The following ZMYM4 variants were observed in gnomAD, a reference collection of about 807,000 sequenced individuals.
The protein encoded by ZMYM4 is zinc finger MYM-type protein 4.
A neutral mutation model predicts 183.2 loss-of-function variants in ZMYM4; 31 were observed. That is an observed-to-expected ratio of 0.17 (90% confidence interval 0.13 to 0.23). The LOEUF is 0.23. Ranked by LOEUF, ZMYM4 falls within the 10% of genes least tolerant of loss-of-function variation. The pLI is 1.00. For missense variants in ZMYM4, 1,273 were observed against 1,840.3 expected (o/e 0.69, Z 5.64); for synonymous variants, 592 against 631.2 (o/e 0.94, Z 0.93).
intron 1 of ZMYM4, among the ~76,000 whole-genome samples, chr1:35,270,947 A>C (rs1392035040): frequency 6.6e-6 from 1 of 152,212 alleles, no homozygotes; most frequent in Middle Eastern, 3.2e-3. Context: ...CACCTAATGC[A>C]ATAATTAGTC....
At chr1:35,370,727 C>CTTTTTTTTTTTTTTTTTTTTTTT (rs3066096) in intron 7 of ZMYM4, 100 bp downstream of exon 7, 1 of 263,508 alleles carries the variant, frequency 3.8e-6, no homozygotes, top group Non-Finnish European at 5.3e-6. Context: ...ACATTTATTC[C>CTTTTTTTTTTTTTTTTTTTTTTT]TTTTTTTTTT....
chr1:35,401,696 T>A (rs1485189317), intron 23 of ZMYM4, among the ~76,000 whole-genome samples: 1 of 152,236 alleles, frequency 6.6e-6, no homozygotes, highest in Non-Finnish European at 1.5e-5. Context: ...TAACTCATAG[T>A]AACTAAGACA....
rs562919522 is a variant in ZMYM4, at chr1:35,364,971, C to G, written c.840+3182C>G. On this transcript the variant is annotated intron_variant, in intron 5 of 29. Transcript: ENST00000314607. ...CCAGTCATTGTCCGTCCTCCTGCCT[C>G]TATTACTGGCATAATGTCATTGGGT... Among the ~76,000 whole-genome samples, 137 of 152,302 alleles carry G rather than the reference C, an allele frequency of 9.0e-4. 1 individual carries two copies. The highest frequency in any genetic ancestry group is 1.0e-3 in the Non-Finnish European group (68 of 68,014).
At chr1:35,289,685 T>G (rs577251923) in intron 1 of ZMYM4, among the ~76,000 whole-genome samples, 1 of 152,212 alleles carries the variant, frequency 6.6e-6, no homozygotes, top group East Asian at 1.9e-4. Flanking sequence ...TGTGGGATAT[T>G]CAGCTGCATA....
At chr1:35,364,533 A>G (rs996601007) in intron 5 of ZMYM4, among the ~76,000 whole-genome samples, 2 of 152,112 alleles carry the variant, frequency 1.3e-5, no homozygotes, top group Non-Finnish European at 2.9e-5. Context: ...TCAAAATTGC[A>G]TAATTTATTA....
At chr1:35,288,089 G>A (rs1029855530) in intron 1 of ZMYM4, among the ~76,000 whole-genome samples, 1 of 152,028 alleles carries the variant, frequency 6.6e-6, no homozygotes, top group Non-Finnish European at 1.5e-5. Context: ...TTCCCTTACT[G>A]TTTAGTTTTA....
chr1:35,384,847 T>C (rs1037930106), intron 9 of ZMYM4, among the ~76,000 whole-genome samples: 18 of 149,118 alleles, frequency 1.2e-4, no homozygotes, highest in Middle Eastern at 3.4e-3. Flanking sequence ...TTTTCTTTTT[T>C]TTTTTTTTTT....
intron 2 of ZMYM4, among the ~76,000 whole-genome samples, chr1:35,341,852 T>A (rs1643211838): frequency 6.6e-6 from 1 of 152,148 alleles, no homozygotes; most frequent in African/African-American, 2.4e-5. Flanking sequence ...AGGCTTAGGC[T>A]TTATTACATT....
intron 1 of ZMYM4, among the ~76,000 whole-genome samples, chr1:35,291,598 A>G (rs144571110): frequency 3.1e-4 from 46 of 147,686 alleles, no homozygotes; most frequent in African/African-American, 9.9e-4. Flanking sequence ...ACATAGCTAC[A>G]GTTATTAGCA....
intron 5 of ZMYM4, among the ~76,000 whole-genome samples, chr1:35,363,892 G>A (rs1644005218): frequency 6.6e-6 from 1 of 152,112 alleles, no homozygotes; most frequent in South Asian, 2.1e-4. Context: ...CCCAATGTGG[G>A]CATGCTGGCA....
intron 2 of ZMYM4, among the ~76,000 whole-genome samples, chr1:35,337,225 G>T (rs77183856): frequency 6.6e-6 from 1 of 152,086 alleles, no homozygotes; most frequent in African/African-American, 2.4e-5. Flanking sequence ...AGCTGGATGT[G>T]ATGTTGCACG....
intron 25 of ZMYM4, among the ~76,000 whole-genome samples, chr1:35,406,344 G>A (rs1452453013): frequency 6.6e-6 from 1 of 152,106 alleles, no homozygotes; most frequent in Non-Finnish European, 1.5e-5. Context: ...TAACTGCCTA[G>A]TAGCATGTTT....
In ZMYM4 at chr1:35,387,110, T is replaced by C. The variant is rs751161644; in HGVS notation, c.1944T>C (p.Gly648=). ...PTGSTVSAGG[G]STSAVSPTSI... ...GTTCCACAGTGTCAGCCGGAGGAGGTAGCACATCTGCTGTTTCTCCCACCT... is the reference window on the plus strand; with the variant it reads ...GTTCCACAGTGTCAGCCGGAGGAGGCAGCACATCTGCTGTTTCTCCCACCT... The change falls in exon 12 of 30, where the codon GGT becomes GGC. Residue 648 remains glycine (G), a synonymous_variant. Coordinates refer to ENST00000314607, the MANE Select transcript of ZMYM4 (RefSeq NM_005095.3). 4 of 1,614,206 alleles carry C rather than the reference T, an allele frequency of 2.5e-6. No homozygotes were observed. The Admixed American group carries it at 6.7e-5, about 27-fold the overall frequency.
chr1:35,336,748 G>A (rs79205385), intron 2 of ZMYM4, among the ~76,000 whole-genome samples: 15,417 of 152,024 alleles, frequency 0.1, 2,203 homozygotes, highest in East Asian at 0.68. Context: ...AGTTGTTTAT[G>A]TAATACATGA....
chr1:35,315,712 C>T lies in ZMYM4; in HGVS notation c.40-9648C>T, dbSNP rs368594487. Among the ~76,000 whole-genome samples the T allele has an allele frequency of 4.8e-4, 73 of 152,166 alleles. 1 individual carries two copies. The highest frequency in any genetic ancestry group is 1.7e-3 in the African/African-American group (70 of 41,528). Reference sequence around the variant, plus strand: ...CTTTGGGAGGCTGAGTTGGGAGGATCGCTTTAGCCTGGGGGTTTGGGACCA... The same window carrying T: ...CTTTGGGAGGCTGAGTTGGGAGGATTGCTTTAGCCTGGGGGTTTGGGACCA... On this transcript the variant is annotated intron_variant, in intron 1 of 29. Transcript: ENST00000314607.
chr1:35,343,314 G>A (rs949408887), intron 2 of ZMYM4, among the ~76,000 whole-genome samples: 3 of 152,050 alleles, frequency 2.0e-5, no homozygotes, highest in Non-Finnish European at 4.4e-5. Context: ...TTTAGGCTTA[G>A]CTTTTATGCT....
chr1:35,386,011 T>C (rs2148977437), intron 10 of ZMYM4, 63 bp from the exon 11 acceptor site: 1 of 1,228,502 alleles, frequency 8.1e-7, no homozygotes, highest in East Asian at 2.4e-5. Flanking sequence ...TATTATTTAA[T>C]TTCTCATACT....
intron 2 of ZMYM4, among the ~76,000 whole-genome samples, chr1:35,330,372 A>G (rs1179600562): frequency 6.6e-6 from 1 of 152,144 alleles, no homozygotes; most frequent in Admixed American, 6.6e-5. Context: ...TCTGGATTTT[A>G]TCCCTAGTGT....
intron 1 of ZMYM4, among the ~76,000 whole-genome samples, chr1:35,311,147 T>C (rs1390440505): frequency 6.6e-6 from 1 of 152,018 alleles, no homozygotes; most frequent in East Asian, 1.9e-4. Context: ...AGGCCAGGCA[T>C]TGTGGCTCAC....
Sources: gnomAD v4.1 joint callset for allele counts (sites outside exome capture counted in the v4.1 genomes callset) on GRCh38, gnomAD v4.1.1 for gene constraint, MANE v1.5 for transcripts, NCBI Gene and HGNC (gene_info 2026-07-23, HGNC 2026-07-21) for gene names.